Variants in SLC39A6 observed in about 807,000 individuals in gnomAD.
SLC39A6 encodes the protein solute carrier family 39 member 6, also known as zinc transporter ZIP6.
SLC39A6 carries 51 observed loss-of-function variants against 63.5 expected under a neutral mutation model. The observed-to-expected ratio is 0.80, with a 90% confidence interval of 0.64 to 1.01. The LOEUF is 1.01. Among genes scored for constraint, SLC39A6 ranks in the 50% least tolerant of loss-of-function variants. The pLI is 0.00. For missense variants in SLC39A6, 805 were observed against 927.8 expected, an observed-to-expected ratio of 0.87 and a Z score of 1.72; for synonymous variants, 318 against 324.7, an observed-to-expected ratio of 0.98 and a Z score of 0.22.
intron 5 of SLC39A6, among the ~76,000 whole-genome samples, chr18:36,119,491 G>A (rs1240744695): frequency 6.6e-6 from 1 of 152,056 alleles, no homozygotes; most frequent in African/African-American, 2.4e-5. Context: ...TTAAAGCAGA[G>A]TGCATCAAAC....
In SLC39A6 at chr18:36,114,337, C is replaced by T. The variant is rs2089325818; in HGVS notation, c.1603G>A (p.Gly535Arg). 2.5e-6 allele frequency: 4 copies of T among 1,614,192 alleles called. No individual in the cohort carries two copies. Among genetic ancestry groups the T allele is most frequent in the Non-Finnish European group, 3.4e-6 (4 of 1,180,038 alleles). ...TGTGAATGGCATTTATTCTTGCACC[C>T]TCTGGGTACATATTCATTGTAGACT... ...QEVYNEYVPR[G>R]CKNKCHSHFH... Residue 535 changes from glycine to arginine, a missense_variant, in exon 7 of 10, where the codon GGG becomes AGG. This residue lies in a region of SLC39A6 where 639 missense variants were observed against 644.0 expected (regional missense o/e 0.99). Transcript: ENST00000269187.
chr18:36,108,535 G>C lies in SLC39A6; in HGVS notation c.*1058C>G, dbSNP rs2144494259. 1 of 152,184 alleles carries C rather than the reference G, an allele frequency of 6.6e-6. No homozygotes were observed. Among genetic ancestry groups the C allele is most frequent in the East Asian group, 1.9e-4 (1 of 5,194 alleles). The allele number at this position is 152,184 out of a possible 1,614,324, so 9.4% of individuals were successfully genotyped here. A position where few individuals can be genotyped will look rare whatever the true frequency, so the allele number is the denominator to read the frequency against. ...AAGAAAACCAGACATCTGACGTCAAGCTGATATAAGGAATTTATTGTGTAA... is the reference window on the plus strand; with the variant it reads ...AAGAAAACCAGACATCTGACGTCAACCTGATATAAGGAATTTATTGTGTAA... On this transcript the variant is annotated 3_prime_UTR_variant, in exon 10 of 10. Coordinates refer to ENST00000269187, the MANE Select transcript of SLC39A6 (RefSeq NM_012319.4).
intron 6 of SLC39A6, among the ~76,000 whole-genome samples, chr18:36,115,789 G>A (rs1195868225): frequency 6.6e-6 from 1 of 152,176 alleles, no homozygotes; most frequent in Non-Finnish European, 1.5e-5. Context: ...AAGGAGCTGG[G>A]TTGAAAACAT....
rs1203437896 is a variant in SLC39A6, at chr18:36,126,630, A to G, written c.378T>C (p.His126=). ...HHSEHEHHSD[H]DHHSHHNHAA... ...CATGATTATGGTGAGAGTGATGATC[A>G]TGGTCAGAGTGATGCTCGTGCTCTG... The change falls in exon 2 of 10, where the codon CAT becomes CAC. Residue 126 remains histidine (H), a synonymous_variant. Coordinates refer to ENST00000269187, the MANE Select transcript of SLC39A6 (RefSeq NM_012319.4). 1.9e-6 allele frequency: 3 copies of G among 1,613,388 alleles called. No individual in the cohort carries two copies. The highest frequency in any genetic ancestry group is 1.3e-5 in the African/African-American group (1 of 74,926).
intron 9 of SLC39A6, 172 bp downstream of exon 9, chr18:36,110,887 A>G: frequency 9.1e-7 from 1 of 1,098,936 alleles, no homozygotes; most frequent in East Asian, 2.6e-5. Context: ...GCTACTCAGG[A>G]GGCTGAGATG....
Position 36,109,570 on chromosome 18 carries a change from C to T in SLC39A6, c.*23G>A. 6.3e-7 allele frequency: 1 copy of T among 1,580,264 alleles called. No individual in the cohort carries two copies. The highest frequency in any genetic ancestry group is 1.1e-5 in the South Asian group (1 of 88,924). The stretch of plus-strand genomic sequence containing the variant: ...ACTGAAACTATGACAACTTTTTAAG[C>T]TACTCTAGCATTTAAACCTTAACTA... On this transcript the variant is annotated 3_prime_UTR_variant, in exon 10 of 10. Transcript: ENST00000269187.
chr18:36,123,641 T>C lies in SLC39A6; in HGVS notation c.994A>G (p.Ile332Val), dbSNP rs1242114352. 6.8e-6 allele frequency: 11 copies of C among 1,608,960 alleles called. No individual in the cohort carries two copies. Among genetic ancestry groups the C allele is most frequent in the Non-Finnish European group, 9.3e-6 (11 of 1,178,712 alleles). Residue 332 changes from isoleucine to valine, a missense_variant, in exon 4 of 10, where the codon ATT (isoleucine) becomes GTT (valine). Transcript: ENST00000269187. ...AGAGACAGGAAACTGATGATGGAAATGGCTATAAAACCACCAACCCAGGCT... is the reference window on the plus strand; with the variant it reads ...AGAGACAGGAAACTGATGATGGAAACGGCTATAAAACCACCAACCCAGGCT... ...QIAWVGGFIA[I>V]SIISFLSLLG...
intron 2 of SLC39A6, 102 bp from the exon 3 acceptor site, chr18:36,124,802 T>C (rs2089422915): frequency 2.8e-5 from 26 of 923,874 alleles, no homozygotes; most frequent in Non-Finnish European, 3.9e-5. Flanking sequence ...TTTTCTCGAG[T>C]TAATGAAAAT....
At position 36,122,101 on chromosome 18, in the gene SLC39A6, A is replaced by G; in HGVS notation, c.1310T>C (p.Val437Ala). 2 of 1,613,964 alleles carry G rather than the reference A, an allele frequency of 1.2e-6. No homozygotes were observed. The highest frequency in any genetic ancestry group is 1.7e-6 in the Non-Finnish European group (2 of 1,179,920). ...TTTGATCAATGTGAGGACATGTTCA[A>G]CAAGAAACATGAAATACAGGCCTCC... is the stretch of plus-strand genomic sequence containing the variant. Reference protein sequence around the residue: ...ALGGLYFMFLVEHVLTLIKQF... With the variant: ...ALGGLYFMFLAEHVLTLIKQF... The change falls in exon 5 of 10, where the codon GTT becomes GCT. Residue 437 changes from valine (V) to alanine (A), a missense_variant. By Grantham distance (64) the Val-to-Ala change is moderately conservative. Around this residue, in one of 4 missense-constraint regions of SLC39A6, gnomAD observed 639 missense variants for 644.0 expected, o/e 0.99. Transcript: ENST00000269187.
intron 4 of SLC39A6, 70 bp from the exon 5 acceptor site, chr18:36,122,340 T>C: frequency 8.3e-7 from 1 of 1,211,988 alleles, no homozygotes; most frequent in African/African-American, 1.5e-5. Context: ...GTTGGCTAGG[T>C]AAGGTCAAAA....
At chr18:36,121,982 C>A (rs544219280) in intron 5 of SLC39A6, 70 bp downstream of exon 5, 2 of 1,144,772 alleles carry the variant, frequency 1.7e-6, no homozygotes, top group South Asian at 2.9e-5. Context: ...GCTATTCTAA[C>A]AATCTAGTTA....
chr18:36,116,794 G>GA lies in SLC39A6; in HGVS notation c.1360-16dup, dbSNP rs1273198737. On this transcript the variant is annotated splice_polypyrimidine_tract_variant and intron_variant, in intron 5 of 9. Coordinates refer to ENST00000269187, the MANE Select transcript of SLC39A6 (RefSeq NM_012319.4). ...TTCTTCTGATTCTAAAATAGTGAGG[G>GA]AAAACAATACTTTAAAACAGTAATT... is the stretch of plus-strand genomic sequence containing the variant. 3 of 1,557,654 alleles carry GA rather than the reference G, an allele frequency of 1.9e-6. No individual in the cohort carries two copies. In the African/African-American group the frequency reaches 4.1e-5, roughly 21 times the overall value.
chr18:36,121,094 G>C (rs1006414842), intron 5 of SLC39A6, among the ~76,000 whole-genome samples: 1 of 151,812 alleles, frequency 6.6e-6, no homozygotes, highest in Non-Finnish European at 1.5e-5. Context: ...ACCAGAATAT[G>C]AGTGTACAGA....
At position 36,126,498 on chromosome 18, in the gene SLC39A6, T is replaced by C. The variant is rs373475563; in HGVS notation, c.510A>G (p.Glu170=). ...TGACATTCCTTCTACCACTGGCATG[T>C]TCTGGTCGGTGAGCTCCTTTCCCCT... ...NSQGKGAHRP[E]HASGRRNVKD... The change falls in exon 2 of 10, where the codon GAA becomes GAG. Residue 170 remains glutamate (E), a synonymous_variant. Coordinates refer to ENST00000269187, the MANE Select transcript of SLC39A6 (RefSeq NM_012319.4). 1 of 1,614,244 alleles carries C rather than the reference T, an allele frequency of 6.2e-7. No homozygotes were observed. The highest frequency in any genetic ancestry group is 1.1e-5 in the South Asian group (1 of 91,088).
intron 9 of SLC39A6, among the ~76,000 whole-genome samples, chr18:36,110,716 G>C (rs960216926): frequency 6.6e-6 from 1 of 151,888 alleles, no homozygotes; most frequent in African/African-American, 2.4e-5. Flanking sequence ...TTTTTTTGTA[G>C]TTTTTAGTTG....
At chr18:36,121,926 A>G (rs1303333779) in intron 5 of SLC39A6, 126 bp downstream of exon 5, 4 of 657,864 alleles carry the variant, frequency 6.1e-6, no homozygotes, top group African/African-American at 5.5e-5. Context: ...AAGTACTTCA[A>G]GGGTACTGAA....
At chr18:36,112,421 G>T in intron 8 of SLC39A6, 80 bp downstream of exon 8, 1 of 979,400 alleles carries the variant, frequency 1.0e-6, no homozygotes, top group South Asian at 1.4e-5. Flanking sequence ...GAAGAAGCTT[G>T]CTGAACTACC....
chr18:36,128,885 C>CA (rs1197692294), intron 1 of SLC39A6, among the ~76,000 whole-genome samples: 3 of 152,198 alleles, frequency 2.0e-5, no homozygotes, highest in African/African-American at 4.8e-5. Context: ...ATCTTTTCCT[C>CA]AAAAAATCCT....
chr18:36,110,777 C>T (rs143044147), intron 9 of SLC39A6, among the ~76,000 whole-genome samples: 4 of 151,958 alleles, frequency 2.6e-5, no homozygotes, highest in African/African-American at 7.3e-5. Flanking sequence ...CCTGACCTCA[C>T]GTGATCTGCC....
Sources: gnomAD v4.1 joint callset for allele counts (sites outside exome capture counted in the v4.1 genomes callset) on GRCh38, gnomAD v4.1.1 for gene constraint, gnomAD v4.1.1 regional missense constraint, MANE v1.5 for transcripts, NCBI Gene and HGNC (gene_info 2026-07-23, HGNC 2026-07-21) for gene names.